TRHDE: variants seen among roughly 807,000 people sequenced by gnomAD.
The protein encoded by TRHDE is thyrotropin-releasing hormone-degrading ectoenzyme.
A neutral mutation model predicts 125.7 loss-of-function variants in TRHDE; 72 were observed. The observed-to-expected ratio is 0.57, with a 90% CI of 0.47 to 0.70. The LOEUF is 0.70. Ranked by LOEUF, TRHDE falls within the 30% of genes least tolerant of loss-of-function variation. The pLI is 0.00. For missense variants in TRHDE, 1,110 were observed against 1,327.1 expected (o/e 0.84, Z 2.54); for synonymous variants, 509 against 509.1 (o/e 1.00, Z 0.00).
At chr12:72,514,490 A>C (rs1249306459) in intron 6 of TRHDE, among the ~76,000 whole-genome samples, 2 of 152,110 alleles carry the variant, frequency 1.3e-5, no homozygotes. Flanking sequence ...AAAAGAGCTA[A>C]AGAGAGAATT....
At chr12:72,152,685 C>T (rs140536125) in intron 2 of TRHDE, among the ~76,000 whole-genome samples, 8,896 of 152,114 alleles carry the variant, frequency 0.058, 354 homozygotes, top group Non-Finnish European at 0.093. Flanking sequence ...TCTGTTTATA[C>T]GCTGGATTAC....
At chr12:72,146,726 G>T (rs758131719) in intron 2 of TRHDE, among the ~76,000 whole-genome samples, 1 of 152,194 alleles carries the variant, frequency 6.6e-6, no homozygotes, top group Non-Finnish European at 1.5e-5. Context: ...TTTGCCGTCC[G>T]CAGACGGCTT....
chr12:72,490,289 A>C (rs1877605077), intron 5 of TRHDE, among the ~76,000 whole-genome samples: 1 of 151,824 alleles, frequency 6.6e-6, no homozygotes, highest in Non-Finnish European at 1.5e-5. Context: ...ATACCACTGC[A>C]TACCTGCTAG....
chr12:72,575,580 G>C, intron 12 of TRHDE, 38 bp downstream of exon 12: 1 of 1,591,910 alleles, frequency 6.3e-7, no homozygotes, highest in Non-Finnish European at 8.6e-7. Context: ...AAAAACTTGT[G>C]CCTGCAAGAC....
intron 2 of TRHDE, among the ~76,000 whole-genome samples, chr12:72,367,160 G>A (rs115236603): frequency 0.01 from 1,577 of 152,044 alleles, 33 homozygotes; most frequent in African/African-American, 0.035. Context: ...GGTGATGGAG[G>A]GTGCCTGTTA....
In TRHDE at chr12:72,459,514, A is replaced by G. The variant is rs559670947; in HGVS notation, c.1316-10244A>G. The stretch of plus-strand genomic sequence containing the variant: ...TTACCTTATCCTACTTGTAATATCA[A>G]CTAGTCAGACCACCACTGTTTCGTG... On this transcript the variant is annotated intron_variant, in intron 3 of 18. Transcript: ENST00000261180. 1.6e-3 allele frequency among the ~76,000 whole-genome samples: 242 copies of G among 152,304 alleles called. 2 individuals are homozygous for G. The highest frequency in any genetic ancestry group is 0.015 in the South Asian group (71 of 4,826).
intron 12 of TRHDE, among the ~76,000 whole-genome samples, chr12:72,617,538 G>T (rs960021602): frequency 2.0e-5 from 3 of 152,132 alleles, no homozygotes; most frequent in African/African-American, 7.2e-5. Flanking sequence ...TGTTACAAAA[G>T]AACAGTGTGA....
At chr12:72,611,900 A>G (rs1057216472) in intron 12 of TRHDE, among the ~76,000 whole-genome samples, 17 of 152,230 alleles carry the variant, frequency 1.1e-4, no homozygotes, top group Admixed American at 1.0e-3. Context: ...TATCTTCTCT[A>G]TCGTGAATAC....
chr12:72,608,263 C>T (rs748808340), intron 12 of TRHDE, among the ~76,000 whole-genome samples: 1 of 152,090 alleles, frequency 6.6e-6, no homozygotes, highest in Middle Eastern at 3.2e-3. Flanking sequence ...CTTTCCAGAG[C>T]CTTAATTCTT....
chr12:72,277,988 T>C (rs1195457885), intron 1 of TRHDE, among the ~76,000 whole-genome samples: 2 of 152,168 alleles, frequency 1.3e-5, no homozygotes, highest in East Asian at 3.8e-4. Context: ...AAGAATATAA[T>C]ATATTGTCAT....
chr12:72,195,828 G>A (rs1445840759), intron 2 of TRHDE, among the ~76,000 whole-genome samples: 1 of 151,978 alleles, frequency 6.6e-6, no homozygotes, highest in Non-Finnish European at 1.5e-5. Flanking sequence ...TGTTTCCTGG[G>A]TTTTCTTCTA....
intron 2 of TRHDE, among the ~76,000 whole-genome samples, chr12:72,313,858 T>C (rs1449097052): frequency 6.6e-6 from 1 of 152,180 alleles, no homozygotes; most frequent in Non-Finnish European, 1.5e-5. Context: ...ACAAACTCTT[T>C]CAGAAACAAA....
At chr12:72,154,614 G>A (rs1181585064) in intron 2 of TRHDE, among the ~76,000 whole-genome samples, 6 of 152,128 alleles carry the variant, frequency 3.9e-5, no homozygotes, top group Non-Finnish European at 7.4e-5. Context: ...CTCAGCATTT[G>A]CTTGTCTGTA....
At chr12:72,191,285 GCTT>G (rs1221302841) in intron 2 of TRHDE, among the ~76,000 whole-genome samples, 2 of 152,236 alleles carry the variant, frequency 1.3e-5, no homozygotes, top group East Asian at 3.9e-4. Context: ...CCTACAGCCA[GCTT>G]CTTCTTTCTA....
In TRHDE at chr12:72,242,463, T is replaced by C. The variant is rs921375941; in HGVS notation, n.280-135532T>C. ...CTCCTCTGCTCAGAGAAGAAATTTA[T>C]GCCAGAAATATCTTAAGGTACAGTA... is the stretch of plus-strand genomic sequence containing the variant. On this transcript the variant is annotated intron_variant and non_coding_transcript_variant, in intron 2 of 4. Coordinates refer to the TRHDE transcript ENST00000548156. 9.2e-5 allele frequency among the ~76,000 whole-genome samples: 14 copies of C among 152,290 alleles called. No individual in the cohort carries two copies. The South Asian group carries it at 2.9e-3, about 32-fold the overall frequency.
intron 12 of TRHDE, among the ~76,000 whole-genome samples, chr12:72,587,830 G>A (rs1460509398): frequency 6.6e-6 from 1 of 152,030 alleles, no homozygotes; most frequent in Non-Finnish European, 1.5e-5. Context: ...TAAACTAAAT[G>A]TAAGGCAGAA....
upstream of TRHDE, among the ~76,000 whole-genome samples, chr12:72,271,345 C>G (rs1395434024): frequency 6.6e-6 from 1 of 152,196 alleles, no homozygotes; most frequent in Non-Finnish European, 1.5e-5. Flanking sequence ...AAATCTGACA[C>G]AGCCACATCT....
intron 1 of TRHDE, among the ~76,000 whole-genome samples, chr12:72,102,762 G>C (rs1047070841): frequency 1.3e-5 from 2 of 152,174 alleles, no homozygotes; most frequent in African/African-American, 4.8e-5. Context: ...TGAGAAATTA[G>C]GCAGATCCCA....
chr12:72,627,701 A>T (rs1382773807), intron 15 of TRHDE, among the ~76,000 whole-genome samples: 1 of 151,700 alleles, frequency 6.6e-6, no homozygotes, highest in African/African-American at 2.4e-5. Context: ...TTCTTTTTTT[A>T]AAAAAACGAG....
Sources: allele counts gnomAD v4.1 joint callset (sites outside exome capture counted in the v4.1 genomes callset), GRCh38; gene constraint gnomAD v4.1.1; transcripts MANE v1.5; gene names NCBI Gene and HGNC (gene_info 2026-07-23, HGNC 2026-07-21).